Variants in BMERB1 observed in about 807,000 individuals in gnomAD.
BMERB1 encodes the protein bMERB domain-containing protein 1.
Under a neutral mutation model 23.6 loss-of-function variants are expected in BMERB1, and 12 were observed. That is an observed-to-expected ratio of 0.51 (90% confidence interval 0.33 to 0.82). The LOEUF (loss-of-function observed/expected upper bound fraction) is 0.82. Among genes scored for constraint, BMERB1 ranks in the 40% least tolerant of loss-of-function variants. The pLI is 0.03. For synonymous variants in BMERB1, 122 were observed against 96.6 expected, an observed-to-expected ratio of 1.26 and a Z score of -1.54; for missense variants, 247 against 255.4, an observed-to-expected ratio of 0.97 and a Z score of 0.22.
chr16:15,560,381 T>C (rs1436479174), intron 2 of BMERB1, among the ~76,000 whole-genome samples: 1 of 152,256 alleles, frequency 6.6e-6, no homozygotes, highest in African/African-American at 2.4e-5. Context: ...TGGCCTCTGC[T>C]ACACGTAGGT....
chr16:15,483,435 A>G (rs189052559), intron 1 of BMERB1, among the ~76,000 whole-genome samples: 2 of 152,146 alleles, frequency 1.3e-5, no homozygotes, highest in Non-Finnish European at 2.9e-5. Flanking sequence ...GCTGGAGTGC[A>G]ATGGCATGAT....
At chr16:15,494,929 G>C (rs1421861358) in intron 1 of BMERB1, among the ~76,000 whole-genome samples, 1 of 142,220 alleles carries the variant, frequency 7.0e-6, no homozygotes, top group Non-Finnish European at 1.5e-5. Context: ...TGTTGCCCAG[G>C]CTGGAGTGCA....
At chr16:15,508,719 G>A (rs997320408) in intron 1 of BMERB1, among the ~76,000 whole-genome samples, 12 of 151,642 alleles carry the variant, frequency 7.9e-5, no homozygotes, top group Middle Eastern at 3.4e-3. Flanking sequence ...TCAGCTACTC[G>A]GGAGGCTGAA....
intron 2 of BMERB1, among the ~76,000 whole-genome samples, chr16:15,528,650 C>T (rs889692298): frequency 1.3e-5 from 2 of 151,864 alleles, no homozygotes; most frequent in African/African-American, 4.8e-5. Context: ...CCCCTCCTGC[C>T]GTGGGGGCCT....
intron 1 of BMERB1, among the ~76,000 whole-genome samples, chr16:15,507,445 A>G (rs550796638): frequency 1.2e-4 from 18 of 152,240 alleles, no homozygotes; most frequent in African/African-American, 4.1e-4. Context: ...CTTCCCCCAG[A>G]AGTGACTCAG....
At chr16:15,585,921 A>C (rs1013208494) in intron 5 of BMERB1, among the ~76,000 whole-genome samples, 2 of 152,214 alleles carry the variant, frequency 1.3e-5, no homozygotes, top group African/African-American at 4.8e-5. Context: ...CCCAAGAACC[A>C]AAAATATAGA....
chr16:15,479,916 A>T (rs1027191532), intron 1 of BMERB1, among the ~76,000 whole-genome samples: 7 of 151,086 alleles, frequency 4.6e-5, no homozygotes, highest in Non-Finnish European at 7.4e-5. Flanking sequence ...ACGCCACTGC[A>T]CTCGAGCTTG....
intron 1 of BMERB1, among the ~76,000 whole-genome samples, chr16:15,460,843 T>TGCAGGCTGGGC (rs1378105854): frequency 6.6e-6 from 1 of 152,072 alleles, no homozygotes; most frequent in African/African-American, 2.4e-5. Context: ...AAAAGCTGGG[T>TGCAGGCTGGGC]GCAGGCTGGG....
intron 1 of BMERB1, among the ~76,000 whole-genome samples, chr16:15,448,424 AAAG>A (rs1214381907): frequency 6.6e-6 from 1 of 152,182 alleles, no homozygotes; most frequent in Non-Finnish European, 1.5e-5. Flanking sequence ...TCTCAGAAGG[AAAG>A]AAGGTCTTCT....
At chr16:15,545,065 C>G (rs536925217) in intron 2 of BMERB1, among the ~76,000 whole-genome samples, 1 of 152,244 alleles carries the variant, frequency 6.6e-6, no homozygotes, top group African/African-American at 2.4e-5. Flanking sequence ...CTCTGCCCCC[C>G]GGGTTCAAGC....
chr16:15,561,099 C>T (rs1395767980), intron 2 of BMERB1, among the ~76,000 whole-genome samples: 1 of 148,628 alleles, frequency 6.7e-6, no homozygotes, highest in Non-Finnish European at 1.5e-5. Flanking sequence ...GGATTACAGG[C>T]GCCCACTACC....
intron 1 of BMERB1, among the ~76,000 whole-genome samples, chr16:15,466,642 T>C (rs2051182972): frequency 1.3e-5 from 2 of 152,198 alleles, no homozygotes; most frequent in African/African-American, 4.8e-5. Flanking sequence ...GACAGCTAAA[T>C]ACAGTATCAA....
At chr16:15,438,186 A>G (rs2050905375) in intron 1 of BMERB1, among the ~76,000 whole-genome samples, 1 of 151,192 alleles carries the variant, frequency 6.6e-6, no homozygotes, top group African/African-American at 2.4e-5. Context: ...TCCCAGGTTC[A>G]AGCCATTCTC....
At chr16:15,448,259 G>A (rs1465950785) in intron 1 of BMERB1, among the ~76,000 whole-genome samples, 2 of 152,192 alleles carry the variant, frequency 1.3e-5, no homozygotes, top group Non-Finnish European at 2.9e-5. Context: ...GGGCCCTGGG[G>A]ATAAGAAGGT....
chr16:15,544,604 G>A (rs1393849822), intron 2 of BMERB1, among the ~76,000 whole-genome samples: 1 of 152,204 alleles, frequency 6.6e-6, no homozygotes, highest in Non-Finnish European at 1.5e-5. Context: ...TCACAGCTTG[G>A]CCAAAGTGTT....
At chr16:15,570,704 T>G (rs936486426) in intron 3 of BMERB1, among the ~76,000 whole-genome samples, 5 of 151,016 alleles carry the variant, frequency 3.3e-5, no homozygotes, top group African/African-American at 9.9e-5. Flanking sequence ...GTAGGCAGGG[T>G]AGCAGCTTGG....
intron 3 of BMERB1, among the ~76,000 whole-genome samples, chr16:15,577,740 C>T (rs1194768585): frequency 1.3e-5 from 2 of 152,244 alleles, no homozygotes; most frequent in Non-Finnish European, 2.9e-5. Flanking sequence ...AGTGGCCTGC[C>T]AGCGCTTGGG....
At chr16:15,569,082 GGCGGGT>G (rs2030658683) in intron 3 of BMERB1, among the ~76,000 whole-genome samples, 1 of 152,136 alleles carries the variant, frequency 6.6e-6, no homozygotes. Flanking sequence ...CAGGGGTGGT[GGCGGGT>G]GCCTGTAATT....
chr16:15,515,269 G>C (rs1455296895), intron 1 of BMERB1, 36 bp from the exon 2 acceptor site: 28 of 1,611,900 alleles, frequency 1.7e-5, no homozygotes, highest in Non-Finnish European at 2.3e-5. Context: ...TGCAGCCTTG[G>C]GGTCCTGATG....
Sources: allele counts gnomAD v4.1 joint callset (sites outside exome capture counted in the v4.1 genomes callset), GRCh38; gene constraint gnomAD v4.1.1; transcripts MANE v1.5; gene names NCBI Gene and HGNC (gene_info 2026-07-23, HGNC 2026-07-21).